KHDC1L: variants seen among roughly 807,000 people sequenced by gnomAD.
KHDC1L encodes KH domain containing 1 like.
A neutral mutation model predicts 11.2 loss-of-function variants in KHDC1L; 5 were observed. The observed-to-expected ratio is 0.45, with a 90% CI of 0.23 to 0.94. The LOEUF (loss-of-function observed/expected upper bound fraction) is 0.94, where lower values mean the gene tolerates loss of function less well. KHDC1L is among the 40% of genes least tolerant of loss of function. The pLI is 0.22. For missense variants in KHDC1L, 168 were observed against 165.8 expected (o/e 1.01, Z -0.07); for synonymous variants, 66 against 62.7 (o/e 1.05, Z -0.25).
In KHDC1L at chr6:73,224,260, T is replaced by A. The variant is rs1766315503; in HGVS notation, c.201A>T (p.Thr67=). 6.3e-7 allele frequency: 1 copy of A among 1,592,802 alleles called. No individual in the cohort carries two copies. The highest frequency in any genetic ancestry group is 1.8e-5 in the Admixed American group (1 of 56,916). The change falls in exon 2 of 3, where the codon ACA becomes ACT. Residue 67 remains threonine, a synonymous_variant. Coordinates refer to ENST00000370388, the MANE Select transcript of KHDC1L (RefSeq NM_001126063.3). ...TTGGTGGTCCGACTACAGTCACACG[T>A]GTCTGGCCTGTAGCTGTGAAACACC... ...LERCFTATGQ[T]RVTVVGPPMA...
In KHDC1L at chr6:73,223,654, G is replaced by T; in HGVS notation, c.*94C>A. On this transcript the variant is annotated 3_prime_UTR_variant, in exon 3 of 3. Transcript: ENST00000370388. ...AGAAGGCCTGAGAGGGGCAGGTCTG[G>T]CCACAAATTCAAACTTTCTTCAGTG... The T allele has an allele frequency of 2.9e-6, 3 of 1,050,334 alleles. No homozygotes were observed. Among genetic ancestry groups the T allele is most frequent in the Non-Finnish European group, 4.3e-6 (3 of 704,866 alleles). The allele number at this position is 1,050,334 out of a possible 1,614,324, so 65.1% of individuals were successfully genotyped here.
Position 73,223,801 on chromosome 6 carries a change from T to C in KHDC1L, c.334A>G (p.Thr112Ala), listed in dbSNP as rs764367685. Residue 112 changes from threonine (T) to alanine (A), a missense_variant, in exon 3 of 3, where the codon ACC becomes GCC. Thr to Ala is a moderately conservative substitution (Grantham distance 58). Transcript: ENST00000370388. ...MLERVRSQPL[T>A]NDDLVTSVSL... ...ACGGAGGTGACCAGGTCATCATTGG[T>C]CAGGGGCTGGCTTCGGACACGCTCT... is the stretch of plus-strand genomic sequence containing the variant. 6.2e-7 allele frequency: 1 copy of C among 1,607,426 alleles called. No homozygotes were observed. The highest frequency in any genetic ancestry group is 8.5e-7 in the Non-Finnish European group (1 of 1,177,068).
At chr6:73,224,522 C>A (rs1011116385) in intron 1 of KHDC1L, among the ~76,000 whole-genome samples, 174 bp from the exon 2 acceptor site, 1 of 152,068 alleles carries the variant, frequency 6.6e-6, no homozygotes, top group Non-Finnish European at 1.5e-5. Context: ...TGCCTGTAAT[C>A]CCAGCAATTT....
rs189914592 is a variant in KHDC1L, at chr6:73,225,478, G to A, written c.-70C>T. 347 of 1,138,946 alleles carry A rather than the reference G, an allele frequency of 3.0e-4. 1 individual carries two copies. In the African/African-American group the frequency reaches 3.1e-3, roughly 10 times the overall value. 70.6% of individuals were successfully genotyped at this position (1,138,946 alleles called of 1,614,324 possible). On this transcript the variant is annotated 5_prime_UTR_variant, in exon 1 of 3. Coordinates refer to ENST00000370388, the MANE Select transcript of KHDC1L (RefSeq NM_001126063.3). ...TGGTTGGCAAAAGACTTGGAAAAGC[G>A]AGGAAGGGCCTAGGCTCTGTCCTTA... is the stretch of plus-strand genomic sequence containing the variant.
chr6:73,223,792 C>G lies in KHDC1L; in HGVS notation c.343G>C (p.Asp115His). 1.9e-6 allele frequency: 3 copies of G among 1,607,718 alleles called. No individual in the cohort carries two copies. The highest frequency in any genetic ancestry group is 2.5e-6 in the Non-Finnish European group (3 of 1,177,226). ...RVRSQPLTNDDLVTSVSLPPY... is the reference protein window; with the variant it reads ...RVRSQPLTNDHLVTSVSLPPY... ...GGCAGGCTAACGGAGGTGACCAGGT[C>G]ATCATTGGTCAGGGGCTGGCTTCGG... Residue 115 changes from aspartate (D) to histidine (H), a missense_variant, in exon 3 of 3, where the codon GAC becomes CAC. Coordinates refer to ENST00000370388, the MANE Select transcript of KHDC1L (RefSeq NM_001126063.3).
rs963832527 is a variant in KHDC1L at position 73,223,692 on chromosome 6, T to C, written c.*56A>G. The stretch of plus-strand genomic sequence containing the variant: ...ACTTTCTTCAGTGTTTTTCATGTCT[T>C]TCTCACCAAAAGCGAAGCCAAGACT... On this transcript the variant is annotated 3_prime_UTR_variant, in exon 3 of 3. Coordinates refer to ENST00000370388, the MANE Select transcript of KHDC1L (RefSeq NM_001126063.3). 1 of 1,434,564 alleles carries C rather than the reference T, an allele frequency of 7.0e-7. No homozygotes were observed. The highest frequency in any genetic ancestry group is 9.6e-7 in the Non-Finnish European group (1 of 1,039,884). 88.9% of individuals were successfully genotyped at this position (1,434,564 alleles called of 1,614,324 possible). A position where few individuals can be genotyped will look rare whatever the true frequency, so the allele number is the denominator to read the frequency against.
In KHDC1L at chr6:73,223,726, C is replaced by T. The variant is rs988080609; in HGVS notation, c.*22G>A. ...AAAGCGAAGCCAAGACTTCTCCTCT[C>T]ATCCCCTCTTCCCAGGGGAGATCAG... is the stretch of plus-strand genomic sequence containing the variant. On this transcript the variant is annotated 3_prime_UTR_variant, in exon 3 of 3. Transcript: ENST00000370388. 6.4e-6 allele frequency: 10 copies of T among 1,574,030 alleles called. No homozygotes were observed. In the Admixed American group the frequency reaches 1.1e-4, roughly 17 times the overall value.
At chr6:73,223,966 T>C in intron 2 of KHDC1L, 127 bp from the exon 3 acceptor site, 2 of 984,208 alleles carry the variant, frequency 2.0e-6, no homozygotes, top group Non-Finnish European at 3.0e-6. Context: ...AGGTAACCCA[T>C]TTACTCCTCC....
At position 73,224,165 on chromosome 6, in the gene KHDC1L, C is replaced by T. The variant is rs1157469085; in HGVS notation, c.295+1G>A. 5 of 1,554,660 alleles carry T rather than the reference C, an allele frequency of 3.2e-6. No individual in the cohort carries two copies. Among genetic ancestry groups the T allele is most frequent in the Admixed American group, 3.9e-5 (2 of 51,766 alleles). ...TCCACAGTTCGGCCAAGGATACCTA[C>T]CTCGAGCGTGACACTTGGAGTCCTG... is the stretch of plus-strand genomic sequence containing the variant. On this transcript the variant is annotated splice_donor_variant, in intron 2 of 2. Transcript: ENST00000370388. LOFTEE classifies it high-confidence loss of function.
Position 73,225,454 on chromosome 6 carries a change from G to C in KHDC1L, c.-46C>G. On this transcript the variant is annotated 5_prime_UTR_variant, in exon 1 of 3. Transcript: ENST00000370388. The stretch of plus-strand genomic sequence containing the variant: ...AGAATAGGGGAAAGTCTAACAAACT[G>C]GTTGGCAAAAGACTTGGAAAAGCGA... The C allele has an allele frequency of 6.9e-7, 1 of 1,454,720 alleles. No individual in the cohort carries two copies. The highest frequency in any genetic ancestry group is 9.6e-7 in the Non-Finnish European group (1 of 1,038,496). The allele number at this position is 1,454,720 out of a possible 1,614,324, so 90.1% of individuals were successfully genotyped here. A position where few individuals can be genotyped will look rare whatever the true frequency, so the allele number is the denominator to read the frequency against.
At chr6:73,224,833 G>T (rs917378955) in intron 1 of KHDC1L, among the ~76,000 whole-genome samples, 2 of 148,670 alleles carry the variant, frequency 1.3e-5, no homozygotes, top group African/African-American at 5.0e-5. Flanking sequence ...TGTATTCCCA[G>T]CAGTTTGGGA....
chr6:73,225,089 CAA>C (rs774109371), intron 1 of KHDC1L, among the ~76,000 whole-genome samples: 10,650 of 95,704 alleles, frequency 0.11, 461 homozygotes, highest in East Asian at 0.19. Context: ...TCTCGAGTCT[CAA>C]AAAAAAAAAA....
rs1582539985 is a variant in KHDC1L at position 73,225,228 on chromosome 6, G to A, written c.112+69C>T. ...GTTGCAGTGAGCCAAGATCACGAGC[G>A]AGAATCTGTCTCAAAAAAATAAAAA... On this transcript the variant is annotated intron_variant, in intron 1 of 2. Coordinates refer to ENST00000370388, the MANE Select transcript of KHDC1L (RefSeq NM_001126063.3). 2.1e-6 allele frequency: 3 copies of A among 1,406,854 alleles called. No homozygotes were observed. The South Asian group carries it at 4.0e-5, about 19-fold the overall frequency. The allele number at this position is 1,406,854 out of a possible 1,614,324, so 87.1% of individuals were successfully genotyped here.
At chr6:73,224,481 A>G in intron 1 of KHDC1L, 133 bp from the exon 2 acceptor site, 2 of 767,688 alleles carry the variant, frequency 2.6e-6, no homozygotes, top group Middle Eastern at 7.9e-4. Context: ...CGAGAAGGGG[A>G]TGAAGGAGGC....
Position 73,224,334 on chromosome 6 carries a change from A to G in KHDC1L, c.127T>C (p.Tyr43His). Residue 43 changes from tyrosine to histidine, a missense_variant, in exon 2 of 3, where the codon TAC (tyrosine) becomes CAC (histidine). Coordinates refer to ENST00000370388, the MANE Select transcript of KHDC1L (RefSeq NM_001126063.3). ...CTGTGCAGCTCAATGCAGCGAAGGT[A>G]CGTGTCATCAAGTCCTGTAAGCACA... ...EELIFGLDDT[Y>H]LRCIELHSHT... 1 of 1,579,536 alleles carries G rather than the reference A, an allele frequency of 6.3e-7. No homozygotes were observed. Among genetic ancestry groups the G allele is most frequent in the Non-Finnish European group, 8.6e-7 (1 of 1,161,128 alleles).
Position 73,224,262 on chromosome 6 carries a change from T to G in KHDC1L, c.199A>C (p.Thr67Pro). Residue 67 changes from threonine to proline, a missense_variant, in exon 2 of 3, where the codon ACA (threonine) becomes CCA (proline). By Grantham distance (38) the Thr-to-Pro change is conservative. Transcript: ENST00000370388. ...LERCFTATGQ[T>P]RVTVVGPPMA... ...GGTGGTCCGACTACAGTCACACGTG[T>G]CTGGCCTGTAGCTGTGAAACACCTC... 6.3e-7 allele frequency: 1 copy of G among 1,594,104 alleles called. No individual in the cohort carries two copies. Among genetic ancestry groups the G allele is most frequent in the Non-Finnish European group, 8.6e-7 (1 of 1,169,496 alleles).
intron 1 of KHDC1L, 100 bp from the exon 2 acceptor site, chr6:73,224,448 G>T: frequency 1.0e-6 from 1 of 991,102 alleles, no homozygotes; most frequent in Non-Finnish European, 1.5e-6. Context: ...ATGAAGGTGG[G>T]AGGAGAGGGG....
At chr6:73,223,875 T>C (rs1766309086) in intron 2 of KHDC1L, 36 bp from the exon 3 acceptor site, 1 of 1,510,806 alleles carries the variant, frequency 6.6e-7, no homozygotes, top group South Asian at 1.2e-5. Context: ...AGAACCAGAG[T>C]CCCATTACTG....
intron 1 of KHDC1L, 67 bp from the exon 2 acceptor site, chr6:73,224,415 T>C: frequency 1.5e-6 from 2 of 1,378,388 alleles, no homozygotes; most frequent in African/African-American, 1.4e-5. Context: ...GGAGGTGGCC[T>C]TGAGGGTAGG....
Sources: allele counts gnomAD v4.1 joint callset (sites outside exome capture counted in the v4.1 genomes callset), GRCh38; gene constraint gnomAD v4.1.1; transcripts MANE v1.5; gene names NCBI Gene and HGNC (gene_info 2026-07-23, HGNC 2026-07-21).